Variants in FOXP2 observed in about 807,000 individuals in gnomAD.
FOXP2 encodes the protein forkhead box P2, also known as forkhead box protein P2.
In FOXP2, 12 loss-of-function variants were observed where a neutral mutation model predicts 115.8. The ratio of observed to expected loss-of-function variants is 0.10; its 90% CI spans 0.07 to 0.17. The LOEUF (loss-of-function observed/expected upper bound fraction) is 0.17. FOXP2 is among the 10% of genes least tolerant of loss of function. The probability of loss-of-function intolerance (pLI) is 1.00; values close to 1 mark genes in which losing one functional copy is unlikely to be tolerated. For missense variants in FOXP2, 629 were observed against 843.5 expected (o/e 0.75, Z 3.15); for synonymous variants, 328 against 297.7 (o/e 1.10, Z -1.05).
chr7:114,399,918 G>A (rs182031757), intron 2 of FOXP2, among the ~76,000 whole-genome samples: 99 of 132,952 alleles, frequency 7.4e-4, no homozygotes, highest in African/African-American at 2.9e-3. Flanking sequence ...GTGCAGTGGC[G>A]CGATCTTGGC....
chr7:114,615,774 C>A (rs953017526), intron 3 of FOXP2, among the ~76,000 whole-genome samples: 6 of 152,198 alleles, frequency 3.9e-5, no homozygotes, highest in Non-Finnish European at 8.8e-5. Flanking sequence ...TCTGCAGCTT[C>A]ATCTCCACCT....
At chr7:114,365,817 A>T (rs1375683211) in intron 2 of FOXP2, among the ~76,000 whole-genome samples, 1 of 152,102 alleles carries the variant, frequency 6.6e-6, no homozygotes, top group Non-Finnish European at 1.5e-5. Flanking sequence ...CTTGATTGCC[A>T]AAAAAACAAT....
At chr7:114,472,345 C>CTTT (rs1164348933) in intron 2 of FOXP2, among the ~76,000 whole-genome samples, 2 of 137,808 alleles carry the variant, frequency 1.5e-5, no homozygotes, top group Non-Finnish European at 3.2e-5. Flanking sequence ...TTTATAAATT[C>CTTT]TTTTTTTTTT....
intron 2 of FOXP2, among the ~76,000 whole-genome samples, chr7:114,309,932 T>A (rs1797106163): frequency 6.6e-6 from 1 of 151,972 alleles, no homozygotes; most frequent in African/African-American, 2.4e-5. Context: ...CCCACAGTGC[T>A]GGGATTAAAG....
chr7:114,326,910 C>T (rs1235837362), intron 2 of FOXP2, among the ~76,000 whole-genome samples: 1 of 152,088 alleles, frequency 6.6e-6, no homozygotes, highest in Non-Finnish European at 1.5e-5. Flanking sequence ...TTTTATTAAC[C>T]TGTATTGGAC....
intron 2 of FOXP2, among the ~76,000 whole-genome samples, chr7:114,469,392 T>C (rs1042860026): frequency 3.3e-5 from 5 of 152,216 alleles, no homozygotes; most frequent in African/African-American, 1.2e-4. Flanking sequence ...CAATGCTTTC[T>C]GGACCTTCTG....
chr7:114,457,245 A>AT (rs1795349278), intron 2 of FOXP2, among the ~76,000 whole-genome samples: 1 of 152,198 alleles, frequency 6.6e-6, no homozygotes, highest in Non-Finnish European at 1.5e-5. Flanking sequence ...CACTGTATAT[A>AT]AGTATATCAA....
At position 114,432,108 on chromosome 7, in the gene FOXP2, A is replaced by G. The variant is rs188918512; in HGVS notation, c.168+5429A>G. 3.0e-3 allele frequency among the ~76,000 whole-genome samples: 463 copies of G among 152,074 alleles called. 3 individuals carry two copies. Among genetic ancestry groups the G allele is most frequent in the African/African-American group, 0.011 (451 of 41,546 alleles). ...TCCTGCTAGTAGATAGTACCCACAC[A>G]GTATGCAACATTTATTGTATTTGTC... is the stretch of plus-strand genomic sequence containing the variant. On this transcript the variant is annotated intron_variant, in intron 2 of 16. Coordinates refer to ENST00000350908, the MANE Select transcript of FOXP2 (RefSeq NM_014491.4).
chr7:114,276,896 C>T (rs1265478249), intron 1 of FOXP2, among the ~76,000 whole-genome samples: 1 of 152,202 alleles, frequency 6.6e-6, no homozygotes. Context: ...TTTTTAAAAA[C>T]ACACTGTATC....
intron 3 of FOXP2, among the ~76,000 whole-genome samples, chr7:114,621,395 A>G (rs758353825): frequency 7.9e-5 from 12 of 152,060 alleles, no homozygotes; most frequent in Non-Finnish European, 1.8e-4. Flanking sequence ...ATACATTACT[A>G]TTGTTAATTG....
chr7:114,250,611 T>C (rs936817074), intron 1 of FOXP2, among the ~76,000 whole-genome samples: 2 of 152,224 alleles, frequency 1.3e-5, no homozygotes, highest in African/African-American at 4.8e-5. Context: ...GAAGTGTCTG[T>C]TCATAAATAA....
At chr7:114,091,354 A>T (rs1799539146) in intron 1 of FOXP2, among the ~76,000 whole-genome samples, 1 of 151,886 alleles carries the variant, frequency 6.6e-6, no homozygotes, top group Admixed American at 6.6e-5. Context: ...TTAAAATTAT[A>T]AAGTAAATTT....
intron 1 of FOXP2, among the ~76,000 whole-genome samples, chr7:114,231,777 T>C (rs1465641169): frequency 6.6e-6 from 1 of 152,112 alleles, no homozygotes; most frequent in Non-Finnish European, 1.5e-5. Flanking sequence ...TAAGAAAACA[T>C]AGAGGAATAG....
chr7:114,509,966 G>T (rs1466160984), intron 2 of FOXP2, among the ~76,000 whole-genome samples: 1 of 151,986 alleles, frequency 6.6e-6, no homozygotes, highest in Non-Finnish European at 1.5e-5. Context: ...ATCGGGAGAG[G>T]TAGAAAACAT....
At chr7:114,119,990 C>G (rs1017413777) in intron 1 of FOXP2, among the ~76,000 whole-genome samples, 13 of 152,054 alleles carry the variant, frequency 8.5e-5, no homozygotes. Context: ...TAGTACATAC[C>G]TATATTCTTA....
intron 3 of FOXP2, among the ~76,000 whole-genome samples, chr7:114,547,905 T>C (rs1298462574): frequency 6.6e-6 from 1 of 152,232 alleles, no homozygotes; most frequent in African/African-American, 2.4e-5. Flanking sequence ...ATTATATATG[T>C]TTCCACTAAA....
intron 3 of FOXP2, among the ~76,000 whole-genome samples, chr7:114,558,529 C>A (rs1039875683): frequency 3.3e-5 from 5 of 152,174 alleles, no homozygotes; most frequent in African/African-American, 1.2e-4. Flanking sequence ...TACCACCCTT[C>A]TTCCCTAAAA....
At chr7:114,493,762 A>G (rs923591786) in intron 2 of FOXP2, among the ~76,000 whole-genome samples, 1 of 152,046 alleles carries the variant, frequency 6.6e-6, no homozygotes, top group Non-Finnish European at 1.5e-5. Context: ...CAAACAAAGC[A>G]TCTTTAATAG....
At chr7:114,653,258 TA>T (rs2129338306) in intron 9 of FOXP2, 2 of 154,682 alleles carry the variant, frequency 1.3e-5, no homozygotes, top group East Asian at 3.9e-4. Flanking sequence ...GACTAAAACA[TA>T]AGAGTTCAGC....
Sources: gnomAD v4.1 joint callset for allele counts (sites outside exome capture counted in the v4.1 genomes callset) on GRCh38, gnomAD v4.1.1 for gene constraint, MANE v1.5 for transcripts, NCBI Gene and HGNC (gene_info 2026-07-23, HGNC 2026-07-21) for gene names.